Variants in KIAA1328 observed in about 807,000 individuals in gnomAD.
The protein encoded by KIAA1328 is KIAA1328.
KIAA1328 carries 52 observed loss-of-function variants against 68.1 expected under a neutral mutation model. The observed-to-expected ratio is 0.76, with a 90% confidence interval of 0.61 to 0.96. KIAA1328 has a LOEUF of 0.96. KIAA1328 is among the 40% of genes least tolerant of loss of function. The pLI, the probability that KIAA1328 is intolerant of heterozygous loss-of-function variation, is 0.00. For synonymous variants in KIAA1328, 232 were observed against 239.4 expected (o/e 0.97, Z 0.28); for missense variants, 641 against 677.6 (o/e 0.95, Z 0.60).
At chr18:36,988,313 A>C (rs2053029135) in intron 6 of KIAA1328, among the ~76,000 whole-genome samples, 1 of 152,196 alleles carries the variant, frequency 6.6e-6, no homozygotes, top group East Asian at 1.9e-4. Context: ...GTAAAACCTG[A>C]AATTTCCATG....
intron 4 of KIAA1328, among the ~76,000 whole-genome samples, chr18:36,852,163 T>G (rs900821526): frequency 5.3e-5 from 8 of 152,214 alleles, no homozygotes; most frequent in African/African-American, 1.9e-4. Flanking sequence ...TTTTCAGTCT[T>G]TTAAAATATA....
chr18:37,118,868 A>G (rs1221318947), intron 7 of KIAA1328, among the ~76,000 whole-genome samples: 1 of 152,160 alleles, frequency 6.6e-6, no homozygotes, highest in Non-Finnish European at 1.5e-5. Context: ...AGCACCATAT[A>G]TTAGACAATG....
At chr18:37,155,744 C>A in intron 7 of KIAA1328, among the ~76,000 whole-genome samples, 1 of 152,186 alleles carries the variant, frequency 6.6e-6, no homozygotes, top group Non-Finnish European at 1.5e-5. Context: ...AAAACGCAAC[C>A]TTTCATGATC....
rs80149272 is a variant in KIAA1328 at position 36,864,594 on chromosome 18, G to GTTTTTTTTTTTT, written c.332+20297_332+20308dup. 1.5e-5 allele frequency among the ~76,000 whole-genome samples: 2 copies of GTTTTTTTTTTTT among 129,828 alleles called. 1 individual carries two copies. Among genetic ancestry groups the GTTTTTTTTTTTT allele is most frequent in the Non-Finnish European group, 3.2e-5 (2 of 62,486 alleles). 85.2% of individuals were successfully genotyped at this position (129,828 alleles called of 152,430 possible). A position where few individuals can be genotyped will look rare whatever the true frequency, so the allele number is the denominator to read the frequency against. Reference sequence around the variant, plus strand: ...AATTTTTATATCAAAGTGGTCAGTAGTTTTTTTTTTTTTTTTGTACTGTCT... The same window carrying GTTTTTTTTTTTT: ...AATTTTTATATCAAAGTGGTCAGTAGTTTTTTTTTTTTTTTTTTTTTTTTTTTTGTACTGTCT... On this transcript the variant is annotated intron_variant, in intron 4 of 9. Coordinates refer to ENST00000280020, the MANE Select transcript of KIAA1328 (RefSeq NM_020776.3).
intron 2 of KIAA1328, among the ~76,000 whole-genome samples, chr18:36,834,609 G>T (rs116246658): frequency 0.013 from 1,953 of 152,196 alleles, 36 homozygotes; most frequent in African/African-American, 0.045. Flanking sequence ...AGGGGCAAAA[G>T]ATTCTTTTCT....
At chr18:37,146,372 A>G (rs1292939164) in intron 7 of KIAA1328, among the ~76,000 whole-genome samples, 1 of 152,130 alleles carries the variant, frequency 6.6e-6, no homozygotes, top group Non-Finnish European at 1.5e-5. Context: ...TTAGGTTGCT[A>G]AGGATAATGG....
At chr18:37,200,107 C>A (rs2060080117) in intron 9 of KIAA1328, among the ~76,000 whole-genome samples, 1 of 152,154 alleles carries the variant, frequency 6.6e-6, no homozygotes, top group African/African-American at 2.4e-5. Flanking sequence ...ATTAATGCTG[C>A]CAACCTAAAA....
chr18:37,156,519 ATGTT>A (rs534363294), intron 7 of KIAA1328, among the ~76,000 whole-genome samples: 2 of 151,830 alleles, frequency 1.3e-5, no homozygotes, highest in Non-Finnish European at 2.9e-5. Context: ...TCCTCTGTAA[ATGTT>A]TGTTTTCCAT....
At chr18:37,045,704 G>A (rs1239405887) in intron 6 of KIAA1328, among the ~76,000 whole-genome samples, 1 of 152,042 alleles carries the variant, frequency 6.6e-6, no homozygotes, top group African/African-American at 2.4e-5. Flanking sequence ...ACTATTTCAG[G>A]CTTCTCAATA....
At chr18:36,849,550 T>C (rs553202602) in intron 4 of KIAA1328, among the ~76,000 whole-genome samples, 182 of 152,160 alleles carry the variant, frequency 1.2e-3, no homozygotes, top group South Asian at 2.3e-3. Flanking sequence ...TTCTTTCTAT[T>C]AGAATAATTT....
chr18:37,121,477 T>C (rs972785547), intron 7 of KIAA1328, among the ~76,000 whole-genome samples: 3 of 152,102 alleles, frequency 2.0e-5, no homozygotes, highest in Non-Finnish European at 4.4e-5. Context: ...TATCGATCTA[T>C]CTATCCATCT....
intron 7 of KIAA1328, among the ~76,000 whole-genome samples, chr18:37,115,458 T>A (rs1479925022): frequency 1.3e-5 from 2 of 152,160 alleles, no homozygotes; most frequent in African/African-American, 4.8e-5. Context: ...TCAACAAAAT[T>A]CAACAGCCCT....
chr18:37,131,588 T>A (rs1382986443), intron 7 of KIAA1328, among the ~76,000 whole-genome samples: 1 of 152,132 alleles, frequency 6.6e-6, no homozygotes, highest in Non-Finnish European at 1.5e-5. Flanking sequence ...GCATTTTTGG[T>A]GAAATACACT....
chr18:37,190,341 A>G (rs1052499101), intron 9 of KIAA1328, among the ~76,000 whole-genome samples: 4 of 152,240 alleles, frequency 2.6e-5, no homozygotes. Flanking sequence ...CTGCTATAAA[A>G]TATGTGCTAT....
chr18:37,154,016 A>G (rs1445594718), intron 7 of KIAA1328, among the ~76,000 whole-genome samples: 1 of 152,004 alleles, frequency 6.6e-6, no homozygotes, highest in Admixed American at 6.6e-5. Flanking sequence ...AGGATTTCCT[A>G]CAGGTGCCTT....
chr18:37,077,465 G>A (rs1180864036), intron 7 of KIAA1328, among the ~76,000 whole-genome samples: 1 of 149,724 alleles, frequency 6.7e-6, no homozygotes, highest in Non-Finnish European at 1.5e-5. Context: ...TCAACATAGT[G>A]TTGGAAGTTC....
chr18:36,832,350 G>A (rs1202973304), intron 1 of KIAA1328, among the ~76,000 whole-genome samples: 1 of 152,098 alleles, frequency 6.6e-6, no homozygotes, highest in Non-Finnish European at 1.5e-5. Flanking sequence ...ATTTTGGGAG[G>A]CCAAAGCAGG....
intron 6 of KIAA1328, among the ~76,000 whole-genome samples, chr18:37,026,434 A>G (rs1369150152): frequency 6.6e-6 from 1 of 152,224 alleles, no homozygotes; most frequent in Non-Finnish European, 1.5e-5. Flanking sequence ...AGAGAATTTT[A>G]GACCAATATC....
At chr18:37,184,548 T>C (rs2059758502) in intron 9 of KIAA1328, among the ~76,000 whole-genome samples, 1 of 152,224 alleles carries the variant, frequency 6.6e-6, no homozygotes, top group Non-Finnish European at 1.5e-5. Flanking sequence ...AATCATTGCA[T>C]GTTGACAGTG....
Sources: gnomAD v4.1 joint callset for allele counts (sites outside exome capture counted in the v4.1 genomes callset) on GRCh38, gnomAD v4.1.1 for gene constraint, MANE v1.5 for transcripts, NCBI Gene and HGNC (gene_info 2026-07-23, HGNC 2026-07-21) for gene names.